The following SERINC5 variants were observed in gnomAD, a reference collection of about 807,000 sequenced individuals.
The protein encoded by SERINC5 is serine incorporator 5.
In SERINC5, 41 loss-of-function variants were observed where a neutral mutation model predicts 63.1. The observed-to-expected ratio is 0.65, with a 90% confidence interval of 0.51 to 0.84. SERINC5 has a LOEUF of 0.84. Among genes scored for constraint, SERINC5 ranks in the 40% least tolerant of loss-of-function variants. The pLI, the probability that SERINC5 is intolerant of heterozygous loss-of-function variation, is 0.00. For synonymous variants in SERINC5, 222 were observed against 215.2 expected (o/e 1.03, Z -0.28); for missense variants, 523 against 573.0 (o/e 0.91, Z 0.89).
chr5:80,169,671 C>T (rs1270125814), intron 5 of SERINC5, 125 bp from the exon 6 acceptor site: 5 of 674,398 alleles, frequency 7.4e-6, no homozygotes, highest in Non-Finnish European at 1.3e-5. Flanking sequence ...GGCACTGGTA[C>T]CCAGCTGCTC....
chr5:80,166,279 G>T, intron 7 of SERINC5, 104 bp downstream of exon 7: 1 of 791,348 alleles, frequency 1.3e-6, no homozygotes, highest in Non-Finnish European at 2.1e-6. Flanking sequence ...CCATCTTTCT[G>T]CTCTCTATCT....
In SERINC5 at chr5:80,147,104, G is replaced by A. The variant is rs73772255; in HGVS notation, c.1093+141C>T. The A allele has an allele frequency of 3.6e-3, 2,625 of 731,174 alleles. 49 individuals are homozygous for A. The African/African-American group carries it at 0.042, about 12-fold the overall frequency. The allele number at this position is 731,174 out of a possible 1,614,324, so 45.3% of individuals were successfully genotyped here. A position where few individuals can be genotyped will look rare whatever the true frequency, so the allele number is the denominator to read the frequency against. On this transcript the variant is annotated intron_variant, in intron 10 of 11. Coordinates refer to ENST00000507668, the MANE Select transcript of SERINC5 (RefSeq NM_001174072.3). The stretch of plus-strand genomic sequence containing the variant: ...ATCCTTCAGGAAGAATGTGAAAAGT[G>A]TATAAGTAGTAAGTCAGCTTTAGAA...
downstream of SERINC5, among the ~76,000 whole-genome samples, chr5:80,135,167 AG>A (rs1451009346): frequency 1.3e-5 from 2 of 152,268 alleles, no homozygotes; most frequent in East Asian, 1.9e-4. Context: ...TGGAGTAGCT[AG>A]GACTATAGGC....
intron 11 of SERINC5, among the ~76,000 whole-genome samples, chr5:80,124,522 T>C (rs139053945): frequency 7.2e-5 from 11 of 152,310 alleles, no homozygotes; most frequent in Non-Finnish European, 1.6e-4. Flanking sequence ...GATTTAGGGC[T>C]TAAATACAAG....
chr5:80,153,009 G>A (rs1196190815), intron 8 of SERINC5, among the ~76,000 whole-genome samples: 1 of 152,258 alleles, frequency 6.6e-6, no homozygotes, highest in South Asian at 2.1e-4. Context: ...CGTAATTTCC[G>A]GAAAACAAAG....
intron 7 of SERINC5, among the ~76,000 whole-genome samples, chr5:80,160,905 G>A (rs573388979): frequency 6.0e-5 from 9 of 150,814 alleles, no homozygotes; most frequent in African/African-American, 2.2e-4. Context: ...CCATTGTGTG[G>A]AGATAGATAT....
At position 80,143,117 on chromosome 5, in the gene SERINC5, C is replaced by T. The variant is rs192996948; in HGVS notation, c.*546G>A. 10 of 985,490 alleles carry T rather than the reference C, an allele frequency of 1.0e-5. No individual in the cohort carries two copies. The highest frequency in any genetic ancestry group is 1.2e-5 in the Non-Finnish European group (10 of 830,010). 61.0% of individuals were successfully genotyped at this position (985,490 alleles called of 1,614,324 possible). The stretch of plus-strand genomic sequence containing the variant: ...GTTTAGGGGCCGTGAAGAGGCAGCA[C>T]TGAGGGTGCAGTTGAAAAGCAGGTG... On this transcript the variant is annotated 3_prime_UTR_variant, in exon 12 of 12. Transcript: ENST00000507668.
intron 2 of SERINC5, among the ~76,000 whole-genome samples, chr5:80,193,429 G>C (rs781315684): frequency 1.3e-5 from 2 of 152,128 alleles, no homozygotes; most frequent in African/African-American, 4.8e-5. Flanking sequence ...CTTAACAGAC[G>C]CTTTAGATGA....
At chr5:80,227,357 G>A (rs936272425) in intron 1 of SERINC5, among the ~76,000 whole-genome samples, 4 of 152,140 alleles carry the variant, frequency 2.6e-5, no homozygotes, top group African/African-American at 7.2e-5. Context: ...TCTCTCCTAA[G>A]GTCGAGATAG....
intron 1 of SERINC5, among the ~76,000 whole-genome samples, chr5:80,252,312 G>A (rs147804141): frequency 0.026 from 3,958 of 151,956 alleles, 80 homozygotes; most frequent in Non-Finnish European, 0.042. Context: ...CACCTGCCTC[G>A]GCCTCCCAAA....
In SERINC5 at chr5:80,251,059, G is replaced by A. The variant is rs542581652; in HGVS notation, c.27+4837C>T. Among the ~76,000 whole-genome samples the A allele has an allele frequency of 7.9e-5, 12 of 152,182 alleles. No homozygotes were observed. In the South Asian group the frequency reaches 1.7e-3, roughly 21 times the overall value. The stretch of plus-strand genomic sequence containing the variant: ...TCAAGGCTTTGTTAATTAACATAAC[G>A]GACATCAGAAATGAGTTTTACTAGC... On this transcript the variant is annotated intron_variant, in intron 1 of 11. Transcript: ENST00000507668.
chr5:80,205,946 A>C (rs1301013711), intron 1 of SERINC5, among the ~76,000 whole-genome samples: 1 of 150,008 alleles, frequency 6.7e-6, no homozygotes, highest in Non-Finnish European at 1.5e-5. Flanking sequence ...AAAACAAAAA[A>C]CAAAATATTA....
At chr5:80,198,283 A>G (rs1174080759) in intron 2 of SERINC5, among the ~76,000 whole-genome samples, 1 of 152,190 alleles carries the variant, frequency 6.6e-6, no homozygotes, top group Non-Finnish European at 1.5e-5. Flanking sequence ...AGACAGAATC[A>G]TGCCTTATTC....
chr5:80,162,637 G>A (rs978558484), intron 7 of SERINC5, among the ~76,000 whole-genome samples: 3 of 152,214 alleles, frequency 2.0e-5, no homozygotes, highest in Non-Finnish European at 4.4e-5. Context: ...GCCTCCCAAA[G>A]TGCTGGGATC....
intron 1 of SERINC5, among the ~76,000 whole-genome samples, chr5:80,210,200 G>C (rs1446083158): frequency 6.6e-6 from 1 of 152,144 alleles, no homozygotes; most frequent in African/African-American, 2.4e-5. Context: ...CTTTCGAAGA[G>C]CCTGGCACAT....
intron 2 of SERINC5, among the ~76,000 whole-genome samples, chr5:80,195,013 G>A (rs546570656): frequency 1.3e-5 from 2 of 152,294 alleles, no homozygotes; most frequent in African/African-American, 4.8e-5. Flanking sequence ...TGGGCCAGGT[G>A]TGGTGGCTCA....
At chr5:80,170,998 C>T (rs1223722680) in intron 5 of SERINC5, among the ~76,000 whole-genome samples, 1 of 151,968 alleles carries the variant, frequency 6.6e-6, no homozygotes, top group East Asian at 1.9e-4. Context: ...AGAGTAAGAC[C>T]CTGTCTAAAT....
chr5:80,150,554 G>A (rs561924765), intron 9 of SERINC5, among the ~76,000 whole-genome samples: 2 of 152,222 alleles, frequency 1.3e-5, no homozygotes, highest in South Asian at 4.1e-4. Context: ...TCGCGTCTCA[G>A]CCTCCCAAGT....
chr5:80,238,872 T>G (rs1372269083), intron 1 of SERINC5, among the ~76,000 whole-genome samples: 1 of 151,932 alleles, frequency 6.6e-6, no homozygotes, highest in Non-Finnish European at 1.5e-5. Flanking sequence ...CTATGAGCTC[T>G]TTGTTGAACT....
Sources: gnomAD v4.1 joint callset for allele counts (sites outside exome capture counted in the v4.1 genomes callset) on GRCh38, gnomAD v4.1.1 for gene constraint, MANE v1.5 for transcripts, NCBI Gene and HGNC (gene_info 2026-07-23, HGNC 2026-07-21) for gene names.